MAP7D3: variants seen among roughly 807,000 people sequenced by gnomAD.
MAP7D3 encodes the protein MAP7 domain-containing protein 3.
A neutral mutation model predicts 62.2 loss-of-function variants in MAP7D3; 45 were observed. The observed-to-expected ratio is 0.72, with a 90% CI of 0.57 to 0.93. The LOEUF (loss-of-function observed/expected upper bound fraction) is 0.93, where lower values mean the gene tolerates loss of function less well. MAP7D3 is among the 40% of genes least tolerant of loss of function. The probability of loss-of-function intolerance (pLI) is 0.00; values close to 1 mark genes in which losing one functional copy is unlikely to be tolerated. For synonymous variants in MAP7D3, 288 were observed against 248.8 expected, an observed-to-expected ratio of 1.16 and a Z score of -1.48; for missense variants, 711 against 683.1, an observed-to-expected ratio of 1.04 and a Z score of -0.45.
Position 136,219,388 on chromosome X carries a change from G to A in MAP7D3, c.*32+10C>T. The A allele has an allele frequency of 9.4e-7, 1 of 1,058,864 alleles. No homozygotes were observed. Among genetic ancestry groups the A allele is most frequent in the East Asian group, 3.0e-5 (1 of 33,125 alleles). The allele number at this position is 1,058,864 out of a possible 1,213,427, so 87.3% of individuals were successfully genotyped here. Reference sequence around the variant, plus strand: ...CTTTCAAGAAAAAGGTAGATGAGATGAGGACTTACCCAAATGAGGAGAAAC... The same window carrying A: ...CTTTCAAGAAAAAGGTAGATGAGATAAGGACTTACCCAAATGAGGAGAAAC... On this transcript the variant is annotated intron_variant, in intron 18 of 18. Coordinates refer to ENST00000316077, the MANE Select transcript of MAP7D3 (RefSeq NM_024597.4).
At chrX:136,246,724 T>G (rs2074452700) in intron 1 of MAP7D3, among the ~76,000 whole-genome samples, 1 of 112,189 alleles carries the variant, frequency 8.9e-6, no homozygotes, top group African/African-American at 3.2e-5. Context: ...AAAATTAAGT[T>G]TCACCATAAA....
At position 136,231,813 on chromosome X, in the gene MAP7D3, T is replaced by G; in HGVS notation, c.1144A>C (p.Ile382Leu). ...AGGCTCGCCTCCGGGGATGCTACTA[T>G]GCTCACCTTGGGAACTGTTTCCAGG... ...VDLETVPKVS[I>L]VASPEASLEA... Residue 382 changes from isoleucine to leucine, a missense_variant, in exon 8 of 19, where the codon ATA becomes CTA. By Grantham distance (5) the Ile-to-Leu change is conservative. Transcript: ENST00000316077. 8.3e-7 allele frequency: 1 copy of G among 1,211,787 alleles called. No homozygotes were observed. Among genetic ancestry groups the G allele is most frequent in the Non-Finnish European group, 1.1e-6 (1 of 895,494 alleles).
intron 16 of MAP7D3, among the ~76,000 whole-genome samples, chrX:136,219,919 C>A (rs1201158140): frequency 9.0e-6 from 1 of 111,252 alleles, no homozygotes; most frequent in African/African-American, 3.3e-5. Context: ...ACGCAGGACT[C>A]CAGAAACCAT....
chrX:136,229,229 T>G, intron 10 of MAP7D3, among the ~76,000 whole-genome samples: 1 of 111,764 alleles, frequency 8.9e-6, no homozygotes, highest in Admixed American at 9.5e-5. Flanking sequence ...ATACATTTGG[T>G]TGATCATAGA....
intron 3 of MAP7D3, among the ~76,000 whole-genome samples, chrX:136,245,205 A>T (rs1189589332): frequency 3.6e-5 from 4 of 112,270 alleles, no homozygotes; most frequent in Non-Finnish European, 7.5e-5. Context: ...TCTACTAGGA[A>T]ACTTCTTTCA....
chrX:136,213,500 T>C (rs939536439), downstream of MAP7D3: 4 of 111,029 alleles, frequency 3.6e-5, no homozygotes, highest in Non-Finnish European at 7.5e-5. Context: ...ATCCTTCACC[T>C]GTGAGACGTA....
chrX:136,226,010 C>T lies in MAP7D3; in HGVS notation c.2038G>A (p.Gly680Arg), dbSNP rs1323048568. ...TCTTGAGCTTTTATTTTGGCGTCCCCTTTCTAGGAAATTTGCATAAAAATA... is the reference window on the plus strand; with the variant it reads ...TCTTGAGCTTTTATTTTGGCGTCCCTTTTCTAGGAAATTTGCATAAAAATA... ...QEDQEAPLQK[G>R]DAKIKAQEEA... The change falls in exon 13 of 19, where the codon GGG (glycine) becomes AGG (arginine). Residue 680 changes from glycine to arginine, a missense_variant. Gly to Arg is a moderately radical substitution (Grantham distance 125, BLOSUM62 -2). Transcript: ENST00000316077. The T allele has an allele frequency of 8.5e-7, 1 of 1,173,409 alleles. No homozygotes were observed. The highest frequency in any genetic ancestry group is 1.8e-5 in the African/African-American group (1 of 56,517).
intron 15 of MAP7D3, 84 bp from the exon 16 acceptor site, chrX:136,221,047 G>A: frequency 1.4e-6 from 1 of 715,473 alleles, no homozygotes; most frequent in Non-Finnish European, 2.2e-6. Context: ...TGATGGGATG[G>A]GGAGTGGGTA....
chrX:136,218,384 T>C lies in MAP7D3; in HGVS notation c.*142A>G, dbSNP rs191643473. ...TTCAATTTTTCGGTGTCACTTCCTT[T>C]ACCAGGTTCAAGTCAGAAGCAGAAA... is the stretch of plus-strand genomic sequence containing the variant. On this transcript the variant is annotated 3_prime_UTR_variant, in exon 19 of 19. Transcript: ENST00000316077. 1.8e-5 allele frequency: 2 copies of C among 112,412 alleles called. No individual in the cohort carries two copies. Among genetic ancestry groups the C allele is most frequent in the African/African-American group, 6.5e-5 (2 of 31,001 alleles). 9.3% of individuals were successfully genotyped at this position (112,412 alleles called of 1,213,427 possible). A position where few individuals can be genotyped will look rare whatever the true frequency, so the allele number is the denominator to read the frequency against.
At chrX:136,250,097 T>C (rs772752525) in intron 1 of MAP7D3, among the ~76,000 whole-genome samples, 2 of 111,946 alleles carry the variant, frequency 1.8e-5, no homozygotes, top group South Asian at 7.5e-4. Flanking sequence ...GGAGACTGTC[T>C]TTCTAGGTGA....
chrX:136,251,135 T>G (rs1386861395), intron 1 of MAP7D3, among the ~76,000 whole-genome samples, 154 bp downstream of exon 1: 1 of 112,693 alleles, frequency 8.9e-6, no homozygotes, highest in Non-Finnish European at 1.9e-5. Flanking sequence ...CCCAGGGCAC[T>G]CCGGCGGGGG....
chrX:136,240,606 T>A, intron 5 of MAP7D3, 120 bp from the exon 6 acceptor site: 1 of 463,515 alleles, frequency 2.2e-6, no homozygotes, highest in Non-Finnish European at 3.7e-6. Context: ...TTACTCAAGT[T>A]CACAATATCA....
At chrX:136,233,181 G>A (rs2074290693) in intron 7 of MAP7D3, among the ~76,000 whole-genome samples, 1 of 111,146 alleles carries the variant, frequency 9.0e-6, no homozygotes, top group Admixed American at 9.6e-5. Flanking sequence ...AAAAATAAAT[G>A]CAAAGAAAAA....
At chrX:136,233,450 T>G (rs1353614383) in intron 7 of MAP7D3, among the ~76,000 whole-genome samples, 1 of 107,307 alleles carries the variant, frequency 9.3e-6, no homozygotes, top group Non-Finnish European at 1.9e-5. Flanking sequence ...AATTTTGTAT[T>G]TTTAGTAGAG....
rs4829593 is a variant in MAP7D3 at position 136,217,953 on chromosome X, G to A, written c.*573C>T. 0.48 allele frequency: 51,609 copies of A among 108,244 alleles called. 9,599 individuals carry two copies. Among genetic ancestry groups the A allele is most frequent in the East Asian group, 0.7 (2,405 of 3,432 alleles). The allele number at this position is 108,244 out of a possible 1,213,427, so 8.9% of individuals were successfully genotyped here. The stretch of plus-strand genomic sequence containing the variant: ...GCCTGTAATCCCAGCTACTGGGGAG[G>A]CTGAGACAGGAGAATTGCTTGAGAT... On this transcript the variant is annotated 3_prime_UTR_variant, in exon 19 of 19. Transcript: ENST00000316077.
At chrX:136,251,879 C>T (rs1325434983), upstream of MAP7D3, among the ~76,000 whole-genome samples, 1 of 111,574 alleles carries the variant, frequency 9.0e-6, no homozygotes, top group Non-Finnish European at 1.9e-5. Flanking sequence ...GGGGCCCCAT[C>T]ATGAGTAGGC....
chrX:136,251,016 C>T (rs2074501660), intron 1 of MAP7D3, among the ~76,000 whole-genome samples: 2 of 112,129 alleles, frequency 1.8e-5, no homozygotes, highest in Non-Finnish European at 3.8e-5. Flanking sequence ...GCGCCGCGTC[C>T]GCGGGGCTCA....
chrX:136,232,293 A>G (rs2074281369), intron 7 of MAP7D3, 73 bp from the exon 8 acceptor site: 4 of 691,516 alleles, frequency 5.8e-6, no homozygotes, highest in Non-Finnish European at 8.8e-6. Flanking sequence ...GGTACACAGT[A>G]TAAGAACAGG....
chrX:136,238,544 A>C (rs778893328), intron 6 of MAP7D3, among the ~76,000 whole-genome samples: 7 of 112,109 alleles, frequency 6.2e-5, no homozygotes, highest in Non-Finnish European at 1.3e-4. Context: ...TATTATAAGC[A>C]AGGTGCCAGA....
Sources: allele counts gnomAD v4.1 joint callset (sites outside exome capture counted in the v4.1 genomes callset), GRCh38; gene constraint gnomAD v4.1.1; transcripts MANE v1.5; gene names NCBI Gene and HGNC (gene_info 2026-07-23, HGNC 2026-07-21).